Variants in CABP2 observed in about 807,000 individuals in gnomAD.
CABP2 encodes calcium-binding protein 2.
A neutral mutation model predicts 28.6 loss-of-function variants in CABP2; 25 were observed. That is an observed-to-expected ratio of 0.87 (90% CI 0.64 to 1.22). The LOEUF (loss-of-function observed/expected upper bound fraction) is 1.22. Among genes scored for constraint, CABP2 ranks in the 50% most tolerant of loss-of-function variants. The pLI is 0.00. For missense variants in CABP2, 310 were observed against 312.2 expected (o/e 0.99, Z 0.05); for synonymous variants, 138 against 126.0 (o/e 1.09, Z -0.64).
Position 67,521,130 on chromosome 11 carries a change from G to C in CABP2, c.274C>G (p.Arg92Gly). The change falls in exon 4 of 7, where the codon CGA (arginine) becomes GGA (glycine). Residue 92 changes from arginine (R) to glycine (G), a missense_variant. Physicochemically the swap from Arg to Gly is moderately radical, Grantham distance 125 (BLOSUM62 -2). Coordinates refer to ENST00000294288, the MANE Select transcript of CABP2 (RefSeq NM_016366.3). Reference sequence around the variant, plus strand: ...CAGCCAATGTAGCCGTCCCGGTCTCGGTCAAACTCCTGGAAGGCGACCTGC... The same window carrying C: ...CAGCCAATGTAGCCGTCCCGGTCTCCGTCAAACTCCTGGAAGGCGACCTGC... ...ELQVAFQEFDRDRDGYIGCRE... is the reference protein window; with the variant it reads ...ELQVAFQEFDGDRDGYIGCRE... 1.2e-6 allele frequency: 2 copies of C among 1,613,234 alleles called. No individual in the cohort carries two copies. The highest frequency in any genetic ancestry group is 1.7e-6 in the Non-Finnish European group (2 of 1,179,988).
At position 67,519,819 on chromosome 11, in the gene CABP2, T is replaced by A; in HGVS notation, c.611A>T (p.Asn204Ile). 6.2e-7 allele frequency: 1 copy of A among 1,614,062 alleles called. No individual in the cohort carries two copies. The highest frequency in any genetic ancestry group is 8.5e-7 in the Non-Finnish European group (1 of 1,179,976). Residue 204 changes from asparagine (N) to isoleucine (I), a missense_variant, in exon 6 of 7, where the codon AAT becomes ATT. Physicochemically the swap from Asn to Ile is moderately radical, Grantham distance 149 (BLOSUM62 -3). Coordinates refer to ENST00000294288, the MANE Select transcript of CABP2 (RefSeq NM_016366.3). ...VDEILQDVDL[N>I]GDGLVDFEEF... ...TTCGAAGTCGACCAGACCGTCCCCATTGAGGTCCACGTCCTGGAGGATCTC... is the reference window on the plus strand; with the variant it reads ...TTCGAAGTCGACCAGACCGTCCCCAATGAGGTCCACGTCCTGGAGGATCTC...
intron 2 of CABP2, among the ~76,000 whole-genome samples, 179 bp from the exon 3 acceptor site, chr11:67,522,161 G>A (rs1866757053): frequency 6.6e-6 from 1 of 152,042 alleles, no homozygotes; most frequent in African/African-American, 2.4e-5. Context: ...TGGGTAACCG[G>A]GTGCCCCCTT....
At chr11:67,521,300 T>A in intron 3 of CABP2, 141 bp from the exon 4 acceptor site, 1 of 809,618 alleles carries the variant, frequency 1.2e-6, no homozygotes, top group Non-Finnish European at 1.9e-6. Context: ...TTGCACGTGC[T>A]GTTCCTGTTA....
In CABP2 at chr11:67,521,972, A is replaced by T; in HGVS notation, c.224T>A (p.Leu75Gln). ...SIAATQLDRELRPEEIEELQV... is the reference protein window; with the variant it reads ...SIAATQLDREQRPEEIEELQV... ...TTTACCTTCAATCTCCTCGGGCCGC[A>T]GCTCCCGGTCCTGAAGGGCACAGAG... The change falls in exon 3 of 7, where the codon CTG becomes CAG. Residue 75 changes from leucine (L) to glutamine (Q), a missense_variant. Leu to Gln is a moderately radical substitution (Grantham distance 113). Coordinates refer to ENST00000294288, the MANE Select transcript of CABP2 (RefSeq NM_016366.3). 3 of 1,574,312 alleles carry T rather than the reference A, an allele frequency of 1.9e-6. No homozygotes were observed. Among genetic ancestry groups the T allele is most frequent in the Non-Finnish European group, 2.6e-6 (3 of 1,157,014 alleles).
Position 67,521,038 on chromosome 11 carries a change from G to T in CABP2, c.366C>A (p.Ile122=). The part of the protein sequence containing the change: ...YMPTEMELIE[I]SQQISGGKVD... ...CGAGGCACATACTGATTTGTTGTGA[G>T]ATCTCGATGAGCTCCATCTCGGTGG... Residue 122 remains isoleucine, a synonymous_variant, in exon 4 of 7, where the codon ATC becomes ATA. Coordinates refer to ENST00000294288, the MANE Select transcript of CABP2 (RefSeq NM_016366.3). The T allele has an allele frequency of 6.2e-7, 1 of 1,613,994 alleles. No homozygotes were observed. The highest frequency in any genetic ancestry group is 8.5e-7 in the Non-Finnish European group (1 of 1,179,930).
Position 67,523,355 on chromosome 11 carries a change from C to A in CABP2, c.-29G>T, listed in dbSNP as rs906748562. 5.8e-6 allele frequency: 9 copies of A among 1,540,934 alleles called. No individual in the cohort carries two copies. The highest frequency in any genetic ancestry group is 7.0e-6 in the Non-Finnish European group (8 of 1,141,612). ...CCCTGAACCATGCCAGGCCTGGAAC[C>A]CCGGGGGTGGCCCGGGTGGGCCTCG... On this transcript the variant is annotated 5_prime_UTR_variant, in exon 1 of 7. Coordinates refer to ENST00000294288, the MANE Select transcript of CABP2 (RefSeq NM_016366.3).
chr11:67,519,780 C>T lies in CABP2; in HGVS notation c.637+13G>A, dbSNP rs878929048. 7 of 1,612,854 alleles carry T rather than the reference C, an allele frequency of 4.3e-6. No homozygotes were observed. The highest frequency in any genetic ancestry group is 3.3e-5 in the Admixed American group (2 of 59,982). Reference sequence around the variant, plus strand: ...CTTCCAGGGCGTGTGTTGCTATGTGCGGCAGGGGGTACCTTCGAAGTCGAC... The same window carrying T: ...CTTCCAGGGCGTGTGTTGCTATGTGTGGCAGGGGGTACCTTCGAAGTCGAC... On this transcript the variant is annotated intron_variant, in intron 6 of 6. Coordinates refer to ENST00000294288, the MANE Select transcript of CABP2 (RefSeq NM_016366.3).
At chr11:67,521,439 C>T (rs1414865999) in intron 3 of CABP2, among the ~76,000 whole-genome samples, 2 of 152,128 alleles carry the variant, frequency 1.3e-5, no homozygotes, top group Non-Finnish European at 2.9e-5. Flanking sequence ...AAATTCTGAC[C>T]TCTTGGAGAT....
intron 3 of CABP2, among the ~76,000 whole-genome samples, 185 bp from the exon 4 acceptor site, chr11:67,521,344 A>G (rs766791841): frequency 6.6e-6 from 1 of 152,140 alleles, no homozygotes; most frequent in Non-Finnish European, 1.5e-5. Flanking sequence ...AGGAGCATCT[A>G]CTATGTGCCA....
At chr11:67,520,912 A>G (rs1301386422) in intron 4 of CABP2, 113 bp downstream of exon 4, 15 of 1,178,632 alleles carry the variant, frequency 1.3e-5, no homozygotes, top group East Asian at 1.2e-4. Flanking sequence ...GACCAAGGTC[A>G]TGGGCTCTGG....
chr11:67,519,857 C>T lies in CABP2; in HGVS notation c.573G>A (p.Gln191=). The T allele has an allele frequency of 6.2e-7, 1 of 1,613,946 alleles. No individual in the cohort carries two copies. Among genetic ancestry groups the T allele is most frequent in the Non-Finnish European group, 8.5e-7 (1 of 1,180,008 alleles). The change falls in exon 6 of 7, where the codon CAG becomes CAA. Residue 191 remains glutamine, a synonymous_variant. Coordinates refer to ENST00000294288, the MANE Select transcript of CABP2 (RefSeq NM_016366.3). Reference sequence around the variant, plus strand: ...CCTGGAGGATCTCGTCCACCTCCCGCTGGCTGAGGCGCTCCCCCAGCAGGG... The same window carrying T: ...CCTGGAGGATCTCGTCCACCTCCCGTTGGCTGAGGCGCTCCCCCAGCAGGG... The part of the protein sequence containing the change: ...LKALLGERLS[Q]REVDEILQDV...
chr11:67,520,080 C>T lies in CABP2; in HGVS notation c.460G>A (p.Val154Ile). Reference protein sequence around the residue: ...LLAETADMIGVRELRDAFREF... With the variant: ...LLAETADMIGIRELRDAFREF... Reference sequence around the variant, plus strand: ...CGGAAGGCGTCCCGTAGCTCCCGGACACCGATCATGTCTGCCGTCTCTGCC... The same window carrying T: ...CGGAAGGCGTCCCGTAGCTCCCGGATACCGATCATGTCTGCCGTCTCTGCC... Residue 154 changes from valine (V) to isoleucine (I), a missense_variant, in exon 5 of 7, where the codon GTC becomes ATC. Coordinates refer to ENST00000294288, the MANE Select transcript of CABP2 (RefSeq NM_016366.3). The T allele has an allele frequency of 1.2e-6, 2 of 1,613,636 alleles. No homozygotes were observed. The highest frequency in any genetic ancestry group is 1.7e-6 in the Non-Finnish European group (2 of 1,179,980).
chr11:67,520,977 CG>C (rs1866738052), intron 4 of CABP2, 47 bp downstream of exon 4: 5 of 1,592,640 alleles, frequency 3.1e-6, no homozygotes, highest in Non-Finnish European at 3.4e-6. Flanking sequence ...ATGGGCCCAG[CG>C]GGGGCATCTG....
At position 67,519,875 on chromosome 11, in the gene CABP2, C is replaced by A. The variant is rs555794796; in HGVS notation, c.555G>T (p.Leu185=). The change falls in exon 6 of 7, where the codon CTG becomes CTT. Residue 185 remains leucine, a synonymous_variant. Coordinates refer to ENST00000294288, the MANE Select transcript of CABP2 (RefSeq NM_016366.3). ...CCTCCCGCTGGCTGAGGCGCTCCCC[C>A]AGCAGGGCCTTGAGGGCCGCCCGGA... ...GELRAALKAL[L]GERLSQREVD... 6.8e-6 allele frequency: 11 copies of A among 1,613,686 alleles called. No individual in the cohort carries two copies. The highest frequency in any genetic ancestry group is 6.7e-5 in the East Asian group (3 of 44,878).
At position 67,519,784 on chromosome 11, in the gene CABP2, A is replaced by AG. The variant is rs1413359972; in HGVS notation, c.637+8dup. 6.2e-7 allele frequency: 1 copy of AG among 1,613,380 alleles called. No individual in the cohort carries two copies. The highest frequency in any genetic ancestry group is 1.7e-5 in the Admixed American group (1 of 60,004). ...CAGGGCGTGTGTTGCTATGTGCGGC[A>AG]GGGGGTACCTTCGAAGTCGACCAGA... On this transcript the variant is annotated intron_variant, in intron 6 of 6. Coordinates refer to ENST00000294288, the MANE Select transcript of CABP2 (RefSeq NM_016366.3).
rs372924695 is a variant in CABP2 at position 67,519,183 on chromosome 11, G to A, written c.638-19C>T. 10 of 1,614,088 alleles carry A rather than the reference G, an allele frequency of 6.2e-6. No homozygotes were observed. The highest frequency in any genetic ancestry group is 2.2e-5 in the East Asian group (1 of 44,878). On this transcript the variant is annotated intron_variant, in intron 6 of 6. Transcript: ENST00000294288. The stretch of plus-strand genomic sequence containing the variant: ...ACAAACTCTGCCAGGACGAAGCCAA[G>A]GTTTTGGGTCTGTTCTCTGGACTGC...
chr11:67,519,788 G>A lies in CABP2; in HGVS notation c.637+5C>T, dbSNP rs771919679. ...GCGTGTGTTGCTATGTGCGGCAGGG[G>A]GTACCTTCGAAGTCGACCAGACCGT... On this transcript the variant is annotated splice_donor_5th_base_variant and intron_variant, in intron 6 of 6. Coordinates refer to ENST00000294288, the MANE Select transcript of CABP2 (RefSeq NM_016366.3). The A allele has an allele frequency of 6.2e-7, 1 of 1,613,560 alleles. No homozygotes were observed. The highest frequency in any genetic ancestry group is 1.1e-5 in the South Asian group (1 of 91,062).
intron 1 of CABP2, among the ~76,000 whole-genome samples, 195 bp from the exon 2 acceptor site, chr11:67,522,911 T>C (rs1019323034): frequency 1.3e-5 from 2 of 152,214 alleles, no homozygotes; most frequent in African/African-American, 2.4e-5. Flanking sequence ...AACTGTTCTG[T>C]TGGGCAAACT....
Position 67,523,412 on chromosome 11 carries a change from C to A in CABP2, c.-86G>T. 1 of 1,447,884 alleles carries A rather than the reference C, an allele frequency of 6.9e-7. No homozygotes were observed. 89.7% of individuals were successfully genotyped at this position (1,447,884 alleles called of 1,614,324 possible). A position where few individuals can be genotyped will look rare whatever the true frequency, so the allele number is the denominator to read the frequency against. On this transcript the variant is annotated 5_prime_UTR_variant, in exon 1 of 7. Coordinates refer to ENST00000294288, the MANE Select transcript of CABP2 (RefSeq NM_016366.3). Reference sequence around the variant, plus strand: ...GCTGCTGCCTGAGGACTCCTGCCAGCCCCCAGCTGCTCCCGATGAGAGCCT... The same window carrying A: ...GCTGCTGCCTGAGGACTCCTGCCAGACCCCAGCTGCTCCCGATGAGAGCCT...
Sources: allele counts gnomAD v4.1 joint callset (sites outside exome capture counted in the v4.1 genomes callset), GRCh38; gene constraint gnomAD v4.1.1; transcripts MANE v1.5; gene names NCBI Gene and HGNC (gene_info 2026-07-23, HGNC 2026-07-21).